The following ARL6IP5 variants were observed in gnomAD, a reference collection of about 807,000 sequenced individuals.
The protein encoded by ARL6IP5 is ARF like GTPase 6 interacting protein 5.
A neutral mutation model predicts 13.0 loss-of-function variants in ARL6IP5; 6 were observed. That is an observed-to-expected ratio of 0.46 (90% CI 0.25 to 0.91). ARL6IP5 has a LOEUF of 0.91. Among genes scored for constraint, ARL6IP5 ranks in the 40% least tolerant of loss-of-function variants. ARL6IP5 has a pLI of 0.17. For missense variants in ARL6IP5, 208 were observed against 248.8 expected (o/e 0.84, Z 1.10); for synonymous variants, 91 against 91.9 (o/e 0.99, Z 0.06).
chr3:69,095,209 T>C (rs2092283274), intron 1 of ARL6IP5, among the ~76,000 whole-genome samples: 1 of 152,170 alleles, frequency 6.6e-6, no homozygotes, highest in South Asian at 2.1e-4. Context: ...ATCTGTATAA[T>C]TGGACTAGAC....
chr3:69,103,533 T>C (rs1395990116), intron 2 of ARL6IP5, among the ~76,000 whole-genome samples: 1 of 152,252 alleles, frequency 6.6e-6, no homozygotes, highest in Non-Finnish European at 1.5e-5. Flanking sequence ...GTTAGGTTTT[T>C]AGAAAGCTCG....
intron 1 of ARL6IP5, among the ~76,000 whole-genome samples, chr3:69,092,945 A>C (rs990523503): frequency 6.6e-6 from 1 of 152,174 alleles, no homozygotes; most frequent in African/African-American, 2.4e-5. Context: ...TAATTGTGAA[A>C]GCAGTGATGA....
chr3:69,101,825 T>C lies in ARL6IP5; in HGVS notation c.177-14T>C, dbSNP rs771808762. On this transcript the variant is annotated splice_polypyrimidine_tract_variant and intron_variant, in intron 1 of 2. Coordinates refer to ENST00000273258, the MANE Select transcript of ARL6IP5 (RefSeq NM_006407.4). ...GAACTAGTCACCCCTCATTTTTTCT[T>C]CCTCATATTTCAGGTTTCTGAGTCC... is the stretch of plus-strand genomic sequence containing the variant. The C allele has an allele frequency of 6.2e-7, 1 of 1,606,354 alleles. No individual in the cohort carries two copies. Among genetic ancestry groups the C allele is most frequent in the Admixed American group, 1.7e-5 (1 of 59,018 alleles).
chr3:69,088,544 C>A (rs888708758), intron 1 of ARL6IP5, among the ~76,000 whole-genome samples: 1 of 152,166 alleles, frequency 6.6e-6, no homozygotes, highest in African/African-American at 2.4e-5. Context: ...CAAATACTAT[C>A]TAGATCCAGA....
intron 1 of ARL6IP5, among the ~76,000 whole-genome samples, chr3:69,085,618 A>C (rs756325646): frequency 5.3e-5 from 8 of 152,158 alleles, no homozygotes; most frequent in Non-Finnish European, 8.8e-5. Context: ...CCTACCCTGG[A>C]GCTGGCTGGG....
chr3:69,104,762 T>G lies in ARL6IP5; in HGVS notation c.*126T>G, dbSNP rs1274729660. The G allele has an allele frequency of 5.5e-6, 6 of 1,087,008 alleles. No homozygotes were observed. Among genetic ancestry groups the G allele is most frequent in the Non-Finnish European group, 8.2e-6 (6 of 732,406 alleles). The allele number at this position is 1,087,008 out of a possible 1,614,324, so 67.3% of individuals were successfully genotyped here. A position where few individuals can be genotyped will look rare whatever the true frequency, so the allele number is the denominator to read the frequency against. On this transcript the variant is annotated 3_prime_UTR_variant, in exon 3 of 3. Coordinates refer to ENST00000273258, the MANE Select transcript of ARL6IP5 (RefSeq NM_006407.4). ...TACCACCCAATTATCTATGGCAGCA[T>G]GCATGTATAGGCCGAACTATTATCA...
intron 2 of ARL6IP5, 122 bp from the exon 3 acceptor site, chr3:69,104,342 A>T: frequency 1.0e-6 from 1 of 955,994 alleles, no homozygotes; most frequent in Non-Finnish European, 1.6e-6. Flanking sequence ...TCAATTCGAG[A>T]AGCAGACTGG....
intron 1 of ARL6IP5, among the ~76,000 whole-genome samples, chr3:69,099,299 AG>A (rs1371481802): frequency 6.6e-6 from 1 of 152,080 alleles, no homozygotes; most frequent in African/African-American, 2.4e-5. Flanking sequence ...TGAACCTGGG[AG>A]GCAGAGGTTG....
chr3:69,099,611 A>G (rs1258037376), intron 1 of ARL6IP5, among the ~76,000 whole-genome samples: 1 of 152,240 alleles, frequency 6.6e-6, no homozygotes, highest in Non-Finnish European at 1.5e-5. Context: ...AATTGTATTT[A>G]TCCTGAATAC....
chr3:69,100,398 A>C (rs565909988), intron 1 of ARL6IP5, among the ~76,000 whole-genome samples: 1 of 152,220 alleles, frequency 6.6e-6, no homozygotes, highest in South Asian at 2.1e-4. Flanking sequence ...CTTATAATGA[A>C]CTCTCTATGT....
intron 1 of ARL6IP5, among the ~76,000 whole-genome samples, chr3:69,097,972 G>A (rs1044680889): frequency 6.6e-5 from 10 of 152,296 alleles, no homozygotes; most frequent in South Asian, 6.2e-4. Context: ...TGTGCCAAGC[G>A]GCGGTTGTGG....
At chr3:69,088,978 G>C (rs999864888) in intron 1 of ARL6IP5, among the ~76,000 whole-genome samples, 2 of 152,216 alleles carry the variant, frequency 1.3e-5, no homozygotes, top group Admixed American at 1.3e-4. Context: ...TTGAGCTGGA[G>C]AACTCTGTTC....
At chr3:69,085,301 T>C in intron 1 of ARL6IP5, 78 bp downstream of exon 1, 2 of 1,501,060 alleles carry the variant, frequency 1.3e-6, no homozygotes, top group South Asian at 1.3e-5. Flanking sequence ...TCCCGGGATG[T>C]AGAGACGCTC....
At chr3:69,087,715 A>C (rs900220867) in intron 1 of ARL6IP5, among the ~76,000 whole-genome samples, 1 of 152,224 alleles carries the variant, frequency 6.6e-6, no homozygotes, top group Admixed American at 6.5e-5. Flanking sequence ...TGTCAATGAA[A>C]ATTTTGAAGT....
At chr3:69,097,188 TCTCA>T (rs2092289996) in intron 1 of ARL6IP5, among the ~76,000 whole-genome samples, 1 of 152,134 alleles carries the variant, frequency 6.6e-6, no homozygotes, top group Non-Finnish European at 1.5e-5. Context: ...TGAGACAGGA[TCTCA>T]CTCTGTTACC....
chr3:69,089,819 C>T (rs1473179282), intron 1 of ARL6IP5: 2 of 456,530 alleles, frequency 4.4e-6, no homozygotes, highest in East Asian at 6.9e-5. Flanking sequence ...TAGATAGAAC[C>T]ATGTAGCTGC....
chr3:69,101,509 A>G (rs1478646386), intron 1 of ARL6IP5, among the ~76,000 whole-genome samples: 1 of 150,936 alleles, frequency 6.6e-6, no homozygotes, highest in Non-Finnish European at 1.5e-5. Flanking sequence ...TTTTGTAGAG[A>G]TGGGTTTTGC....
chr3:69,096,586 GTTTTGCTTTGCTTTTTTTTTTTTTTTT>G (rs2092287753), intron 1 of ARL6IP5, among the ~76,000 whole-genome samples: 5 of 120,008 alleles, frequency 4.2e-5, no homozygotes, highest in African/African-American at 1.2e-4. Context: ...TTTGATCTTT[GTTTTGCTTTGCTTTTTTTTTTTTTTTT>G]TTTTTTTTGA....
chr3:69,085,791 G>A (rs1283852907), intron 1 of ARL6IP5, among the ~76,000 whole-genome samples: 1 of 152,146 alleles, frequency 6.6e-6, no homozygotes, highest in Non-Finnish European at 1.5e-5. Flanking sequence ...TGGGGTAAAG[G>A]CTGCCATGAC....
Sources: allele counts gnomAD v4.1 joint callset (sites outside exome capture counted in the v4.1 genomes callset), GRCh38; gene constraint gnomAD v4.1.1; transcripts MANE v1.5; gene names NCBI Gene and HGNC (gene_info 2026-07-23, HGNC 2026-07-21).